STING1: variants seen among roughly 807,000 people sequenced by gnomAD.
STING1 encodes the protein stimulator of interferon response cGAMP interactor 1, also known as stimulator of interferon genes protein.
Under a neutral mutation model 31.6 loss-of-function variants are expected in STING1, and 19 were observed. That is an observed-to-expected ratio of 0.60 (90% CI 0.42 to 0.88). The LOEUF is 0.88. Among genes scored for constraint, STING1 ranks in the 40% least tolerant of loss-of-function variants. The pLI is 0.00. For missense variants in STING1, 371 were observed against 483.7 expected, an observed-to-expected ratio of 0.77 and a Z score of 2.19; for synonymous variants, 200 against 208.6, an observed-to-expected ratio of 0.96 and a Z score of 0.35.
At chr5:139,476,897 T>C (rs1751675874) in intron 7 of STING1, among the ~76,000 whole-genome samples, 1 of 97,882 alleles carries the variant, frequency 1.0e-5, no homozygotes, top group African/African-American at 3.3e-5. Flanking sequence ...AGAGTGAGAC[T>C]CCATCTCAAA....
Position 139,478,469 on chromosome 5 carries a change from T to C in STING1, c.560A>G (p.Asn187Ser). Residue 187 changes from asparagine (N) to serine (S), a missense_variant, in exon 6 of 8, where the codon AAC becomes AGC. Physicochemically the swap from Asn to Ser is conservative, Grantham distance 46. Transcript: ENST00000330794. Reference protein sequence around the residue: ...ARIRTYNQHYNNLLRGAVSQR... With the variant: ...ARIRTYNQHYSNLLRGAVSQR... Reference sequence around the variant, plus strand: ...GCTCACTGCACCCCGTAGCAGGTTGTTGTAATGCTGATTGTAAGTTCGAAT... The same window carrying C: ...GCTCACTGCACCCCGTAGCAGGTTGCTGTAATGCTGATTGTAAGTTCGAAT... 2 of 1,614,120 alleles carry C rather than the reference T, an allele frequency of 1.2e-6. No homozygotes were observed. Among genetic ancestry groups the C allele is most frequent in the Non-Finnish European group, 8.5e-7 (1 of 1,180,004 alleles).
Position 139,481,164 on chromosome 5 carries a change from G to A in STING1, c.406C>T (p.Leu136Phe). 1 of 1,614,164 alleles carries A rather than the reference G, an allele frequency of 6.2e-7. No homozygotes were observed. Among genetic ancestry groups the A allele is most frequent in the Non-Finnish European group, 8.5e-7 (1 of 1,180,018 alleles). ...LSQALNILLG[L>F]KGLAPAEISA... ...TACCTCCCCCTGTGTCATACCTTGAGGCCCAGGAGGATGTTCAGTGCCTGC... is the reference window on the plus strand; with the variant it reads ...TACCTCCCCCTGTGTCATACCTTGAAGCCCAGGAGGATGTTCAGTGCCTGC... The change falls in exon 4 of 8, where the codon CTC becomes TTC. Residue 136 changes from leucine to phenylalanine, a missense_variant. By Grantham distance (22) the Leu-to-Phe change is conservative. Coordinates refer to ENST00000330794, the MANE Select transcript of STING1 (RefSeq NM_198282.4). The surrounding 1 kb of genome is among the most constrained non-coding windows in gnomAD (Gnocchi z 4.1).
intron 7 of STING1, 31 bp downstream of exon 7, chr5:139,477,298 C>A: frequency 6.2e-7 from 1 of 1,607,470 alleles, no homozygotes; most frequent in South Asian, 1.1e-5. Flanking sequence ...GCCCTCCAGC[C>A]TATCAACCCC....
chr5:139,476,146 C>T lies in STING1; in HGVS notation c.*115G>A. ...TAAGATGTCAAGTCCTGGACCCTTC[C>T]CTGCAAGGCCCCCTGTGGAAGGAAA... On this transcript the variant is annotated 3_prime_UTR_variant, in exon 8 of 8. Transcript: ENST00000330794. 1 of 825,440 alleles carries T rather than the reference C, an allele frequency of 1.2e-6. No homozygotes were observed. The highest frequency in any genetic ancestry group is 1.9e-6 in the Non-Finnish European group (1 of 528,066). 51.1% of individuals were successfully genotyped at this position (825,440 alleles called of 1,614,324 possible).
At position 139,476,558 on chromosome 5, in the gene STING1, C is replaced by G. The variant is rs534922966; in HGVS notation, c.947-104G>C. The G allele has an allele frequency of 2.1e-4, 214 of 1,025,734 alleles. 1 individual carries two copies. Among genetic ancestry groups the G allele is most frequent in the Middle Eastern group, 1.6e-3 (5 of 3,138 alleles). The allele number at this position is 1,025,734 out of a possible 1,614,324, so 63.5% of individuals were successfully genotyped here. On this transcript the variant is annotated intron_variant, in intron 7 of 7. Transcript: ENST00000330794. ...AAGATCCCCTAACCCTCCCTACCCC[C>G]CTTCCTACCCAAGCCCCAGCCACTG...
chr5:139,477,238 C>T (rs1342090179), intron 7 of STING1, 91 bp downstream of exon 7: 2 of 1,362,362 alleles, frequency 1.5e-6, no homozygotes, highest in East Asian at 2.3e-5. Context: ...CATGGTGCTC[C>T]ATAGCCCCTT....
At chr5:139,480,732 T>A (rs766228545) in intron 5 of STING1, 58 bp downstream of exon 5, 4 of 1,055,230 alleles carry the variant, frequency 3.8e-6, no homozygotes, top group Admixed American at 1.8e-5. Flanking sequence ...CACAAGAGGC[T>A]GTGTGTCTTA....
intron 7 of STING1, among the ~76,000 whole-genome samples, chr5:139,476,865 AC>A (rs1406927428): frequency 6.7e-6 from 1 of 148,358 alleles, no homozygotes; most frequent in Non-Finnish European, 1.5e-5. Flanking sequence ...AAATCGAGCC[AC>A]TTCACTCCAG....
At position 139,482,534 on chromosome 5, in the gene STING1, G is replaced by A. The variant is rs80059114; in HGVS notation, c.-94+16C>T. 0.084 allele frequency: 12,718 copies of A among 152,230 alleles called. 694 individuals carry two copies. Among genetic ancestry groups the A allele is most frequent in the Non-Finnish European group, 0.12 (8,090 of 68,068 alleles). The allele number at this position is 152,230 out of a possible 1,614,324, so 9.4% of individuals were successfully genotyped here. ...CCTTTGCTACCCCCAAACCAAGGGT[G>A]TTTAGAAACACTCACCGCAGTCACA... On this transcript the variant is annotated intron_variant, in intron 1 of 7. Transcript: ENST00000330794.
Position 139,477,516 on chromosome 5 carries a change from C to A in STING1, c.760-1G>T, listed in dbSNP as rs1236349041. 6.2e-7 allele frequency: 1 copy of A among 1,612,922 alleles called. No homozygotes were observed. Among genetic ancestry groups the A allele is most frequent in the Non-Finnish European group, 8.5e-7 (1 of 1,179,478 alleles). On this transcript the variant is annotated splice_acceptor_variant, in intron 6 of 7. Coordinates refer to ENST00000330794, the MANE Select transcript of STING1 (RefSeq NM_198282.4). LOFTEE classifies it high-confidence loss of function. ...CGTACTCCAGGACACAGGTGCCCGC[C>A]TAGAGGAGGTAAGAGGAAGACCAGA...
In STING1 at chr5:139,481,571, C is replaced by T. The variant is rs762935025; in HGVS notation, c.134G>A (p.Arg45Gln). The change falls in exon 3 of 8, where the codon CGG (arginine) becomes CAG (glutamine). Residue 45 changes from arginine to glutamine, a missense_variant. Arg to Gln is a conservative substitution (Grantham distance 43). Coordinates refer to ENST00000330794, the MANE Select transcript of STING1 (RefSeq NM_198282.4). This position sits in a 1 kb window ranked among gnomAD's most constrained non-coding sequence, Gnocchi z 4.1. ...GLGEPPEHTLRYLVLHLASLQ... is the reference protein window; with the variant it reads ...GLGEPPEHTLQYLVLHLASLQ... Reference sequence around the variant, plus strand: ...GGAGGCTAGGTGGAGCACCAGGTACCGGAGAGTGTGCTCTGGTGGCTCTCC... The same window carrying T: ...GGAGGCTAGGTGGAGCACCAGGTACTGGAGAGTGTGCTCTGGTGGCTCTCC... 59 of 1,613,756 alleles carry T rather than the reference C, an allele frequency of 3.7e-5. No homozygotes were observed. Among genetic ancestry groups the T allele is most frequent in the African/African-American group, 5.3e-5 (4 of 74,898 alleles).
At position 139,481,798 on chromosome 5, in the gene STING1, T is replaced by A. The variant is rs557085641; in HGVS notation, c.1-94A>T. On this transcript the variant is annotated intron_variant, in intron 2 of 7. Transcript: ENST00000330794. The surrounding 1 kb of genome is among the most constrained non-coding windows in gnomAD (Gnocchi z 4.1). Reference sequence around the variant, plus strand: ...GCTGGGCACTTCCTCCCAGTTCCCCTTTCCCTGGTGCCCAGCCACTCCCAG... The same window carrying A: ...GCTGGGCACTTCCTCCCAGTTCCCCATTCCCTGGTGCCCAGCCACTCCCAG... 2 of 1,074,184 alleles carry A rather than the reference T, an allele frequency of 1.9e-6. No individual in the cohort carries two copies. The highest frequency in any genetic ancestry group is 2.4e-5 in the Admixed American group (1 of 42,044). 66.5% of individuals were successfully genotyped at this position (1,074,184 alleles called of 1,614,324 possible).
Position 139,476,376 on chromosome 5 carries a change from G to A in STING1, c.1025C>T (p.Thr342Ile). ...CGCTGAGGTCTTCAAGCTGCCCACA[G>A]TAACCTCTTCCTTTTCCTCCTGCCG... ...HLRQEEKEEVTVGSLKTSAVP... is the reference protein window; with the variant it reads ...HLRQEEKEEVIVGSLKTSAVP... The change falls in exon 8 of 8, where the codon ACT becomes ATT. Residue 342 changes from threonine (T) to isoleucine (I), a missense_variant. Transcript: ENST00000330794. 2 of 1,612,782 alleles carry A rather than the reference G, an allele frequency of 1.2e-6. No homozygotes were observed. The highest frequency in any genetic ancestry group is 1.7e-6 in the Non-Finnish European group (2 of 1,180,026).
At chr5:139,477,607 G>A (rs866701474) in intron 6 of STING1, 92 bp from the exon 7 acceptor site, 18 of 1,303,714 alleles carry the variant, frequency 1.4e-5, no homozygotes, top group East Asian at 2.3e-5. Context: ...CCAGTGCCAC[G>A]GGCTGAGGCC....
chr5:139,481,759 G>T lies in STING1; in HGVS notation c.1-55C>A. The T allele has an allele frequency of 1.4e-6, 2 of 1,441,276 alleles. No homozygotes were observed. The highest frequency in any genetic ancestry group is 9.5e-7 in the Non-Finnish European group (1 of 1,052,178). 89.3% of individuals were successfully genotyped at this position (1,441,276 alleles called of 1,614,324 possible). The stretch of plus-strand genomic sequence containing the variant: ...CTCCCCTTGCCCTCCTGCCCTTCTG[G>T]GACTGAGGCTCTGGCTGGGCACTTC... On this transcript the variant is annotated intron_variant, in intron 2 of 7. Coordinates refer to ENST00000330794, the MANE Select transcript of STING1 (RefSeq NM_198282.4). The surrounding 1 kb of genome is among the most constrained non-coding windows in gnomAD (Gnocchi z 4.1).
intron 7 of STING1, among the ~76,000 whole-genome samples, chr5:139,477,114 C>T (rs949744936): frequency 2.0e-5 from 3 of 152,090 alleles, no homozygotes; most frequent in Non-Finnish European, 4.4e-5. Flanking sequence ...GTGAGAGGCC[C>T]CTAGAACCCA....
rs1751896421 is a variant in STING1, at chr5:139,482,684, T to C, written c.-228A>G. On this transcript the variant is annotated 5_prime_UTR_variant, in exon 1 of 8. Transcript: ENST00000330794. ...TCACACGATGATTCCCCGTCTCATA[T>C]TTTTCTTCTGGTTTCCAGGATGCAG... is the stretch of plus-strand genomic sequence containing the variant. 1.3e-5 allele frequency: 2 copies of C among 152,404 alleles called. No individual in the cohort carries two copies. Among genetic ancestry groups the C allele is most frequent in the Middle Eastern group, 3.4e-3 (1 of 294 alleles). 9.4% of individuals were successfully genotyped at this position (152,404 alleles called of 1,614,324 possible). A position where few individuals can be genotyped will look rare whatever the true frequency, so the allele number is the denominator to read the frequency against.
At chr5:139,477,707 C>G (rs569215194) in intron 6 of STING1, among the ~76,000 whole-genome samples, 192 bp from the exon 7 acceptor site, 3 of 152,288 alleles carry the variant, frequency 2.0e-5, no homozygotes, top group African/African-American at 7.2e-5. Context: ...CTCTGATACC[C>G]AACTCTGAAA....
rs1472911632 is a variant in STING1 at position 139,481,336 on chromosome 5, C to T, written c.234G>A (p.Arg78=). 1 of 1,591,378 alleles carries T rather than the reference C, an allele frequency of 6.3e-7. No individual in the cohort carries two copies. Among genetic ancestry groups the T allele is most frequent in the Non-Finnish European group, 8.6e-7 (1 of 1,167,906 alleles). ...EELRHIHSRY[R]GSYWRTVRAC... is the part of the protein sequence containing the mutation. ...CCCGCACAGTCCTCCAGTAGCTGCC[C>T]CGGTACCTGTGAGTGACAGCCAGAC... is the stretch of plus-strand genomic sequence containing the variant. The change falls in exon 4 of 8, where the codon CGG becomes CGA. Residue 78 remains arginine, a synonymous_variant. Coordinates refer to ENST00000330794, the MANE Select transcript of STING1 (RefSeq NM_198282.4). This position sits in a 1 kb window ranked among gnomAD's most constrained non-coding sequence, Gnocchi z 4.1.
Sources: allele counts gnomAD v4.1 joint callset (sites outside exome capture counted in the v4.1 genomes callset), GRCh38; gene constraint gnomAD v4.1.1; non-coding constraint Gnocchi (gnomAD v3.1); transcripts MANE v1.5; gene names NCBI Gene and HGNC (gene_info 2026-07-23, HGNC 2026-07-21).